The following GRAMD1B variants were observed in gnomAD, a reference collection of about 807,000 sequenced individuals.
GRAMD1B encodes the protein protein Aster-B.
GRAMD1B carries 37 observed loss-of-function variants against 99.7 expected under a neutral mutation model. That is an observed-to-expected ratio of 0.37 (90% CI 0.29 to 0.49). The LOEUF is 0.49. Ranked by LOEUF, GRAMD1B falls within the 20% of genes least tolerant of loss-of-function variation. GRAMD1B has a pLI of 0.98. For synonymous variants in GRAMD1B, 427 were observed against 387.6 expected, an observed-to-expected ratio of 1.10 and a Z score of -1.19; for missense variants, 888 against 1,009.2, an observed-to-expected ratio of 0.88 and a Z score of 1.63.
intron 1 of GRAMD1B, among the ~76,000 whole-genome samples, chr11:123,419,919 A>G (rs548225097): frequency 3.3e-5 from 5 of 152,268 alleles, no homozygotes; most frequent in African/African-American, 1.2e-4. Flanking sequence ...AATGGAACCC[A>G]GTGTCCTTGT....
At position 123,554,604 on chromosome 11, in the gene GRAMD1B, G is replaced by A. The variant is rs530676886; in HGVS notation, c.453-22763G>A. 3.9e-5 allele frequency among the ~76,000 whole-genome samples: 6 copies of A among 152,058 alleles called. No homozygotes were observed. In the South Asian group the frequency reaches 8.3e-4, roughly 21 times the overall value. ...GTGTGCCTGTAGCCCCAGCTATTCCGGAGGCTGAGGTGGGAGGATTGCTTG... is the reference window on the plus strand; with the variant it reads ...GTGTGCCTGTAGCCCCAGCTATTCCAGAGGCTGAGGTGGGAGGATTGCTTG... On this transcript the variant is annotated intron_variant, in intron 2 of 19. Transcript: ENST00000635736.
intron 1 of GRAMD1B, among the ~76,000 whole-genome samples, chr11:123,406,152 C>T (rs1229324049): frequency 1.3e-5 from 2 of 151,700 alleles, no homozygotes; most frequent in East Asian, 1.9e-4. Context: ...TGAGTAGAGA[C>T]GGGTTTTCAC....
At position 123,366,820 on chromosome 11, in the gene GRAMD1B, G is replaced by A. The variant is rs77140298; in HGVS notation, c.-176+8021G>A. Among the ~76,000 whole-genome samples, 314 of 152,256 alleles carry A rather than the reference G, an allele frequency of 2.1e-3. 1 individual carries two copies. Among genetic ancestry groups the A allele is most frequent in the African/African-American group, 7.0e-3 (291 of 41,524 alleles). ...ACCAATTGTAGACAGGGTGTAATGT[G>A]TTCTTACTCCAATATTATTCTGTTC... On this transcript the variant is annotated intron_variant, in intron 1 of 20. Transcript: ENST00000638157.
chr11:123,364,299 A>G (rs1172791796), intron 1 of GRAMD1B, among the ~76,000 whole-genome samples: 1 of 152,216 alleles, frequency 6.6e-6, no homozygotes, highest in Non-Finnish European at 1.5e-5. Flanking sequence ...TTTCCCTCTG[A>G]AATGAAACAG....
At chr11:123,497,204 CAAG>C (rs1283817553) in intron 2 of GRAMD1B, among the ~76,000 whole-genome samples, 2 of 152,162 alleles carry the variant, frequency 1.3e-5, no homozygotes, top group Admixed American at 1.3e-4. Context: ...TGGAGAACAT[CAAG>C]AAGAATTCTC....
At chr11:123,581,293 G>T (rs770419790) in intron 3 of GRAMD1B, among the ~76,000 whole-genome samples, 2 of 152,194 alleles carry the variant, frequency 1.3e-5, no homozygotes, top group Non-Finnish European at 2.9e-5. Flanking sequence ...AGGCTCCACT[G>T]CTGCTCCCTG....
At chr11:123,411,258 C>A (rs922222991) in intron 1 of GRAMD1B, among the ~76,000 whole-genome samples, 2 of 152,094 alleles carry the variant, frequency 1.3e-5, no homozygotes, top group African/African-American at 4.8e-5. Context: ...CCCCCCTCAG[C>A]CTCCCAAAGT....
At chr11:123,392,357 A>G (rs1271569713) in intron 1 of GRAMD1B, among the ~76,000 whole-genome samples, 1 of 151,072 alleles carries the variant, frequency 6.6e-6, no homozygotes, top group South Asian at 2.1e-4. Flanking sequence ...TTGTCCTTTA[A>G]GTATTGGTGT....
At position 123,606,683 on chromosome 11, in the gene GRAMD1B, C is replaced by T; in HGVS notation, c.1398C>T (p.Asn466=). ...TGGAAAAGGAGCTCGCCATTGACAA[C>T]ATCATGGGGGAGAAGATTGAGATGA... The part of the protein sequence containing the change: ...GSLEKELAID[N]IMGEKIEMIA... Residue 466 remains asparagine (N), a synonymous_variant, in exon 11 of 20, where the codon AAC becomes AAT. Transcript: ENST00000635736. The T allele has an allele frequency of 6.2e-7, 1 of 1,613,480 alleles. No individual in the cohort carries two copies. Among genetic ancestry groups the T allele is most frequent in the South Asian group, 1.1e-5 (1 of 90,858 alleles).
intron 7 of GRAMD1B, among the ~76,000 whole-genome samples, chr11:123,596,430 G>A (rs567523869): frequency 5.9e-5 from 9 of 152,328 alleles, no homozygotes; most frequent in East Asian, 1.9e-4. Context: ...TTAAGAAGTC[G>A]TCATTATGTA....
chr11:123,432,134 C>G (rs1049543969), intron 1 of GRAMD1B: 7 of 398,394 alleles, frequency 1.8e-5, no homozygotes, highest in African/African-American at 1.4e-4. Context: ...TCAGTAAGTA[C>G]TTACTGAATA....
intron 1 of GRAMD1B, among the ~76,000 whole-genome samples, chr11:123,399,135 C>G (rs943679954): frequency 6.6e-6 from 1 of 152,200 alleles, no homozygotes; most frequent in African/African-American, 2.4e-5. Context: ...TTCTCTGTTA[C>G]TACGACTTTG....
intron 3 of GRAMD1B, among the ~76,000 whole-genome samples, chr11:123,582,487 C>T (rs1224742620): frequency 2.6e-5 from 4 of 152,120 alleles, no homozygotes; most frequent in African/African-American, 9.7e-5. Flanking sequence ...CTGGATGGAC[C>T]GTGGTGACAG....
chr11:123,382,911 T>C (rs1385627041), intron 1 of GRAMD1B, among the ~76,000 whole-genome samples: 1 of 152,176 alleles, frequency 6.6e-6, no homozygotes, highest in African/African-American at 2.4e-5. Flanking sequence ...GTCCCAATTC[T>C]CCTCTTGCCC....
chr11:123,448,952 T>G (rs550757641), intron 1 of GRAMD1B, among the ~76,000 whole-genome samples: 15 of 152,340 alleles, frequency 9.8e-5, no homozygotes, highest in African/African-American at 3.4e-4. Context: ...CCCCTCCTGC[T>G]TCATCCACCT....
In GRAMD1B at chr11:123,623,233, G is replaced by A. The variant is rs1955314384; in HGVS notation, c.*638G>A. 6.6e-6 allele frequency: 1 copy of A among 152,098 alleles called. No homozygotes were observed. Among genetic ancestry groups the A allele is most frequent in the South Asian group, 2.1e-4 (1 of 4,818 alleles). 9.4% of individuals were successfully genotyped at this position (152,098 alleles called of 1,614,324 possible). On this transcript the variant is annotated 3_prime_UTR_variant, in exon 20 of 20. Coordinates refer to ENST00000635736, the MANE Select transcript of GRAMD1B (RefSeq NM_001387025.1). ...GGCAGGCTCCCGAGACTCGTGTTCTGAAGGATACTCTCCTCCATCACCCCT... is the reference window on the plus strand; with the variant it reads ...GGCAGGCTCCCGAGACTCGTGTTCTAAAGGATACTCTCCTCCATCACCCCT...
chr11:123,608,598 C>T (rs1266699372), intron 11 of GRAMD1B, 61 bp from the exon 12 acceptor site: 2 of 1,555,986 alleles, frequency 1.3e-6, no homozygotes, highest in Non-Finnish European at 8.7e-7. Context: ...TGGAGGATGT[C>T]CCTGGGGCCC....
intron 2 of GRAMD1B, among the ~76,000 whole-genome samples, chr11:123,501,522 C>A (rs543130353): frequency 6.6e-6 from 1 of 152,146 alleles, no homozygotes; most frequent in Admixed American, 6.5e-5. Flanking sequence ...AGCAAAGAAA[C>A]ATGATTATCA....
chr11:123,610,343 GGT>G lies in GRAMD1B; in HGVS notation c.1919+11_1919+12del. Reference sequence around the variant, plus strand: ...TCGGAACAAGAGCCGACTCAGGTGTGGTGTGTGGAAGTCCCAGTGCGGTCAGA... The same window carrying G: ...TCGGAACAAGAGCCGACTCAGGTGTGGTGTGGAAGTCCCAGTGCGGTCAGA... On this transcript the variant is annotated splice_donor_region_variant and intron_variant, in intron 14 of 19. Transcript: ENST00000635736. The surrounding 1 kb of genome is among the most constrained non-coding windows in gnomAD (Gnocchi z 4.1). 6.2e-7 allele frequency: 1 copy of G among 1,613,864 alleles called. No homozygotes were observed. Among genetic ancestry groups the G allele is most frequent in the Non-Finnish European group, 8.5e-7 (1 of 1,179,804 alleles).
Sources: gnomAD v4.1 joint callset for allele counts (sites outside exome capture counted in the v4.1 genomes callset) on GRCh38, gnomAD v4.1.1 for gene constraint, Gnocchi (gnomAD v3.1) non-coding constraint, MANE v1.5 for transcripts, NCBI Gene and HGNC (gene_info 2026-07-23, HGNC 2026-07-21) for gene names.